Variants in EYS observed in about 807,000 individuals in gnomAD.
EYS encodes the protein EGF-like photoreceptor maintenance factor.
In EYS, 250 loss-of-function variants were observed where a neutral mutation model predicts 282.1. That is an observed-to-expected ratio of 0.89 (90% CI 0.80 to 0.98). EYS has a LOEUF of 0.98. EYS is among the 50% of genes least tolerant of loss of function. The probability of loss-of-function intolerance (pLI) is 0.00; values close to 1 mark genes in which losing one functional copy is unlikely to be tolerated. For synonymous variants in EYS, 1,355 were observed against 1,282.9 expected (o/e 1.06, Z -1.20); for missense variants, 4,016 against 3,709.0 (o/e 1.08, Z -2.15).
chr6:65,007,527 A>G (rs1271609905), intron 13 of EYS, among the ~76,000 whole-genome samples: 1 of 152,160 alleles, frequency 6.6e-6, no homozygotes, highest in Non-Finnish European at 1.5e-5. Context: ...GAAGTGCCAT[A>G]TGTACAAACT....
chr6:64,605,276 A>G (rs9445027), intron 24 of EYS, among the ~76,000 whole-genome samples: 96,966 of 151,616 alleles, frequency 0.64, 31,985 homozygotes, highest in African/African-American at 0.82. Flanking sequence ...CTTCTTATAC[A>G]CTAACTACAT....
At chr6:64,697,366 T>G (rs1770616390) in intron 22 of EYS, among the ~76,000 whole-genome samples, 1 of 152,080 alleles carries the variant, frequency 6.6e-6, no homozygotes. Context: ...CACCCCAAAC[T>G]GGAGAACCCA....
At chr6:63,833,362 G>A (rs902415998) in intron 36 of EYS, among the ~76,000 whole-genome samples, 19 of 152,092 alleles carry the variant, frequency 1.2e-4, no homozygotes, top group African/African-American at 3.6e-4. Flanking sequence ...AAGCAACTTC[G>A]GCAAAGTTTC....
chr6:65,477,963 T>A (rs530942141), intron 5 of EYS, among the ~76,000 whole-genome samples: 1 of 152,284 alleles, frequency 6.6e-6, no homozygotes, highest in South Asian at 2.1e-4. Context: ...AAGAGAATGA[T>A]AATACTTTGA....
At chr6:64,197,042 T>C (rs921479943) in intron 31 of EYS, among the ~76,000 whole-genome samples, 3 of 152,158 alleles carry the variant, frequency 2.0e-5, no homozygotes, top group Admixed American at 6.5e-5. Context: ...TATTTTTCCT[T>C]GTAAAAGTAA....
At chr6:64,234,317 T>G (rs931144682) in intron 30 of EYS, among the ~76,000 whole-genome samples, 1 of 152,180 alleles carries the variant, frequency 6.6e-6, no homozygotes, top group Non-Finnish European at 1.5e-5. Flanking sequence ...CACTTTGTCT[T>G]TCCATTTATT....
chr6:64,901,815 C>A (rs1431875670), intron 18 of EYS, among the ~76,000 whole-genome samples: 3 of 151,952 alleles, frequency 2.0e-5, no homozygotes, highest in Non-Finnish European at 4.4e-5. Flanking sequence ...TTATGTTCAA[C>A]AACAATTTCG....
At chr6:64,273,980 A>G (rs1303117784) in intron 30 of EYS, among the ~76,000 whole-genome samples, 1 of 152,116 alleles carries the variant, frequency 6.6e-6, no homozygotes, top group Non-Finnish European at 1.5e-5. Flanking sequence ...TTCTGTTCTC[A>G]CAACTAACTC....
At chr6:63,894,354 G>A (rs193111130) in intron 35 of EYS, among the ~76,000 whole-genome samples, 2 of 152,174 alleles carry the variant, frequency 1.3e-5, no homozygotes, top group Admixed American at 6.5e-5. Context: ...ACAGACAGAC[G>A]CAGACATACA....
At chr6:64,575,070 T>C (rs925169272) in intron 26 of EYS, among the ~76,000 whole-genome samples, 1 of 152,118 alleles carries the variant, frequency 6.6e-6, no homozygotes, top group African/African-American at 2.4e-5. Context: ...GTAAACTACT[T>C]AGGGAAACTT....
At chr6:64,879,265 T>G (rs1386911935) in intron 19 of EYS, among the ~76,000 whole-genome samples, 1 of 152,144 alleles carries the variant, frequency 6.6e-6, no homozygotes, top group Admixed American at 6.6e-5. Flanking sequence ...AATAGCTGGC[T>G]TTGATGCTCA....
At chr6:64,142,634 T>A (rs1774373323) in intron 31 of EYS, among the ~76,000 whole-genome samples, 1 of 152,274 alleles carries the variant, frequency 6.6e-6, no homozygotes, top group Non-Finnish European at 1.5e-5. Context: ...AAAGGAGTCA[T>A]GATCAACCTT....
intron 2 of EYS, among the ~76,000 whole-genome samples, chr6:65,620,592 T>C (rs1455169989): frequency 2.0e-5 from 3 of 150,898 alleles, no homozygotes; most frequent in Non-Finnish European, 4.4e-5. Flanking sequence ...TGCCTTCTGC[T>C]AGCTTTTGAA....
At chr6:63,841,916 A>G (rs989994351) in intron 36 of EYS, among the ~76,000 whole-genome samples, 1 of 152,168 alleles carries the variant, frequency 6.6e-6, no homozygotes, top group African/African-American at 2.4e-5. Context: ...AGCTTCATCT[A>G]TGTCCTTGCA....
chr6:64,289,447 AT>A (rs1181215222), intron 30 of EYS, among the ~76,000 whole-genome samples: 1 of 151,994 alleles, frequency 6.6e-6, no homozygotes, highest in Non-Finnish European at 1.5e-5. Context: ...TCATTCACCA[AT>A]TTCCCTCTAT....
In EYS at chr6:65,034,682, C is replaced by T. The variant is rs1323970509; in HGVS notation, c.2137+22932G>A. ...TTAGAAGCTGAGCAGGTGCCAGCCC[C>T]ATGCTTTCTACTAATCATGCATAAT... On this transcript the variant is annotated intron_variant, in intron 13 of 42. Transcript: ENST00000503581. 2.0e-5 allele frequency among the ~76,000 whole-genome samples: 3 copies of T among 152,240 alleles called. No individual in the cohort carries two copies. In the East Asian group the frequency reaches 5.8e-4, roughly 29 times the overall value.
chr6:64,618,312 A>G (rs1056227945), intron 23 of EYS, among the ~76,000 whole-genome samples: 2 of 152,174 alleles, frequency 1.3e-5, no homozygotes, highest in African/African-American at 4.8e-5. Flanking sequence ...CCCATCAGAT[A>G]ATTACTTCTA....
At chr6:65,220,183 ACTT>A (rs1408255666) in intron 12 of EYS, among the ~76,000 whole-genome samples, 1 of 152,138 alleles carries the variant, frequency 6.6e-6, no homozygotes, top group African/African-American at 2.4e-5. Flanking sequence ...CAAAAAGACT[ACTT>A]GCGATTTTTA....
intron 16 of EYS, among the ~76,000 whole-genome samples, chr6:64,908,733 G>A (rs973371044): frequency 1.3e-5 from 2 of 152,062 alleles, no homozygotes; most frequent in African/African-American, 4.8e-5. Context: ...ACTGAGTCTG[G>A]GGTTTCTATA....
Sources: allele counts gnomAD v4.1 joint callset (sites outside exome capture counted in the v4.1 genomes callset), GRCh38; gene constraint gnomAD v4.1.1; transcripts MANE v1.5; gene names NCBI Gene and HGNC (gene_info 2026-07-23, HGNC 2026-07-21).